Variants in PPP2R3A observed in about 807,000 individuals in gnomAD.
PPP2R3A encodes protein phosphatase 2 regulatory subunit B''alpha, also known as serine/threonine-protein phosphatase 2A regulatory subunit B'' subunit alpha.
PPP2R3A carries 80 observed loss-of-function variants against 106.9 expected under a neutral mutation model. The ratio of observed to expected loss-of-function variants is 0.75; its 90% CI spans 0.62 to 0.90. The LOEUF is 0.90. Ranked by LOEUF, PPP2R3A falls within the 40% of genes least tolerant of loss-of-function variation. The pLI is 0.00. For missense variants in PPP2R3A, 1,386 were observed against 1,350.4 expected, an observed-to-expected ratio of 1.03 and a Z score of -0.41; for synonymous variants, 483 against 468.3, an observed-to-expected ratio of 1.03 and a Z score of -0.41.
intron 2 of PPP2R3A, among the ~76,000 whole-genome samples, chr3:136,006,757 G>T (rs74451275): frequency 0.017 from 2,566 of 152,250 alleles, 75 homozygotes; most frequent in African/African-American, 0.059. Context: ...TTTTGTCCCA[G>T]GGGAATTCAG....
At chr3:136,123,935 T>C (rs1005801401) in intron 13 of PPP2R3A, among the ~76,000 whole-genome samples, 3 of 152,176 alleles carry the variant, frequency 2.0e-5, no homozygotes, top group Non-Finnish European at 4.4e-5. Flanking sequence ...AACAAAAATA[T>C]ATATACACTG....
At chr3:135,988,582 G>A (rs1024059900) in intron 1 of PPP2R3A, among the ~76,000 whole-genome samples, 1 of 152,094 alleles carries the variant, frequency 6.6e-6, no homozygotes. Flanking sequence ...ACTTAGGTAA[G>A]AGCAAAGTCT....
chr3:136,147,191 A>G lies in PPP2R3A; in HGVS notation c.*2025A>G, dbSNP rs1256985781. 6.6e-6 allele frequency: 1 copy of G among 152,014 alleles called. No homozygotes were observed. Among genetic ancestry groups the G allele is most frequent in the Non-Finnish European group, 1.5e-5 (1 of 68,056 alleles). 9.4% of individuals were successfully genotyped at this position (152,014 alleles called of 1,614,324 possible). On this transcript the variant is annotated 3_prime_UTR_variant, in exon 14 of 14. Transcript: ENST00000264977. ...AGACCAGCCTGGGCAACATAGTGAG[A>G]CTCCGTCTCTACAAAAAATAAATTT...
intron 4 of PPP2R3A, among the ~76,000 whole-genome samples, chr3:136,043,434 G>C (rs1466310317): frequency 6.6e-6 from 1 of 152,104 alleles, no homozygotes; most frequent in East Asian, 1.9e-4. Flanking sequence ...ACTCCAGCCT[G>C]GGTGACAGAA....
intron 5 of PPP2R3A, chr3:136,055,252 G>T: frequency 1.2e-6 from 1 of 830,526 alleles, no homozygotes; most frequent in Non-Finnish European, 2.1e-6. Context: ...TGCGTAAAAA[G>T]AAACATGAAG....
At position 136,070,467 on chromosome 3, in the gene PPP2R3A, A is replaced by G. The variant is rs1936392326; in HGVS notation, c.2470-11A>G. The G allele has an allele frequency of 6.3e-7, 1 of 1,586,036 alleles. No homozygotes were observed. The highest frequency in any genetic ancestry group is 1.9e-5 in the Admixed American group (1 of 52,926). On this transcript the variant is annotated splice_polypyrimidine_tract_variant and intron_variant, in intron 5 of 13. Coordinates refer to ENST00000264977, the MANE Select transcript of PPP2R3A (RefSeq NM_002718.5). The stretch of plus-strand genomic sequence containing the variant: ...GTTTGTTAATTTAGTTTTGGTTTTG[A>G]TCTTTTTCAGGATGTGGTGGATACC...
intron 5 of PPP2R3A, among the ~76,000 whole-genome samples, chr3:136,067,525 G>A (rs1936296072): frequency 6.6e-6 from 1 of 152,174 alleles, no homozygotes; most frequent in Admixed American, 6.5e-5. Context: ...GAGCCTAAGG[G>A]TCTAAGAGAA....
rs775829324 is a variant in PPP2R3A at position 136,049,243 on chromosome 3, G to T, written c.2367-16G>T. On this transcript the variant is annotated splice_polypyrimidine_tract_variant and intron_variant, in intron 4 of 13. Coordinates refer to ENST00000264977, the MANE Select transcript of PPP2R3A (RefSeq NM_002718.5). Reference sequence around the variant, plus strand: ...TCAGAGGAACTAATCTTCCTAAGCAGTTGTTTCTTTTATAGGTTGCTGAAT... The same window carrying T: ...TCAGAGGAACTAATCTTCCTAAGCATTTGTTTCTTTTATAGGTTGCTGAAT... 14 of 1,572,968 alleles carry T rather than the reference G, an allele frequency of 8.9e-6. No homozygotes were observed. Among genetic ancestry groups the T allele is most frequent in the Non-Finnish European group, 1.2e-5 (14 of 1,149,498 alleles).
chr3:136,039,482 G>A (rs1576454049), intron 3 of PPP2R3A, among the ~76,000 whole-genome samples: 2 of 152,266 alleles, frequency 1.3e-5, no homozygotes, highest in Admixed American at 1.3e-4. Context: ...GGGGTAGAGT[G>A]GGGGTAGTTT....
chr3:136,106,247 A>T lies in PPP2R3A; in HGVS notation c.3254A>T (p.Asp1085Val), dbSNP rs781580338. 5 of 1,610,496 alleles carry T rather than the reference A, an allele frequency of 3.1e-6. No individual in the cohort carries two copies. In the Admixed American group the frequency reaches 5.1e-5, roughly 16 times the overall value. Reference protein sequence around the residue: ...DVENDGPEPSDWDRFAAEEYE... With the variant: ...DVENDGPEPSVWDRFAAEEYE... ...GAGAACGATGGGCCTGAGCCCTCAG[A>T]CTGGGACCGGTTTGCCGCTGAGGAG... The change falls in exon 13 of 14, where the codon GAC becomes GTC. Residue 1085 changes from aspartate to valine, a missense_variant. Coordinates refer to ENST00000264977, the MANE Select transcript of PPP2R3A (RefSeq NM_002718.5).
chr3:136,014,333 G>GT (rs754365547), intron 2 of PPP2R3A, among the ~76,000 whole-genome samples: 4 of 151,996 alleles, frequency 2.6e-5, no homozygotes, highest in Admixed American at 6.5e-5. Flanking sequence ...TTTCAGGATT[G>GT]TTTTTTCTAG....
At chr3:135,997,865 T>G (rs1023750393) in intron 1 of PPP2R3A, among the ~76,000 whole-genome samples, 5 of 152,192 alleles carry the variant, frequency 3.3e-5, no homozygotes, top group Admixed American at 3.3e-4. Flanking sequence ...GCATGGATTA[T>G]TATCATAACC....
rs796374709 is a variant in PPP2R3A, at chr3:135,981,228, CG to C, written c.-441+15381del. On this transcript the variant is annotated intron_variant, in intron 1 of 13. Transcript: ENST00000264977. The stretch of plus-strand genomic sequence containing the variant: ...GATTCATAATTGAGCATCTTGTTGG[CG>C]GTGTTTCTTGGTTTGTATGTTGGGG... Among the ~76,000 whole-genome samples the C allele has an allele frequency of 4.6e-5, 7 of 151,754 alleles. 1 individual carries two copies. Among genetic ancestry groups the C allele is most frequent in the African/African-American group, 1.7e-4 (7 of 41,108 alleles).
chr3:135,988,674 G>A (rs989469446), intron 1 of PPP2R3A, among the ~76,000 whole-genome samples: 6 of 151,994 alleles, frequency 3.9e-5, no homozygotes, highest in Admixed American at 3.9e-4. Flanking sequence ...TGTTCCTTTT[G>A]CTTCCTTTTC....
chr3:136,028,330 A>T (rs1348146271), intron 3 of PPP2R3A, among the ~76,000 whole-genome samples: 2 of 152,232 alleles, frequency 1.3e-5, no homozygotes, highest in African/African-American at 4.8e-5. Flanking sequence ...GGAAATGAAA[A>T]GGAATTCTTT....
At chr3:135,966,061 G>A (rs894059246) in intron 1 of PPP2R3A, among the ~76,000 whole-genome samples, 1 of 151,974 alleles carries the variant, frequency 6.6e-6, no homozygotes, top group Non-Finnish European at 1.5e-5. Context: ...GCGGTGCGTT[G>A]CCTCGGCGCG....
chr3:136,053,203 T>C (rs1935740086), intron 5 of PPP2R3A, among the ~76,000 whole-genome samples: 1 of 152,160 alleles, frequency 6.6e-6, no homozygotes, highest in African/African-American at 2.4e-5. Flanking sequence ...CCTGTACCTG[T>C]AGTGAAATAA....
intron 2 of PPP2R3A, among the ~76,000 whole-genome samples, chr3:136,010,130 A>C (rs2107799814): frequency 6.6e-6 from 1 of 152,222 alleles, no homozygotes; most frequent in South Asian, 2.1e-4. Flanking sequence ...AGACAACTAA[A>C]GCAATCAGAA....
chr3:136,022,841 T>C (rs1273894795), intron 2 of PPP2R3A: 31 of 1,305,220 alleles, frequency 2.4e-5, no homozygotes, highest in Non-Finnish European at 2.6e-5. Context: ...ACTTGAAAAT[T>C]ATGAGCAGGT....
Sources: allele counts gnomAD v4.1 joint callset (sites outside exome capture counted in the v4.1 genomes callset), GRCh38; gene constraint gnomAD v4.1.1; transcripts MANE v1.5; gene names NCBI Gene and HGNC (gene_info 2026-07-23, HGNC 2026-07-21).